SEL1L3: variants seen among roughly 807,000 people sequenced by gnomAD.
SEL1L3 encodes SEL1L family member 3, also known as protein sel-1 homolog 3.
SEL1L3 carries 76 observed loss-of-function variants against 142.8 expected under a neutral mutation model. That is an observed-to-expected ratio of 0.53 (90% confidence interval 0.44 to 0.64). The LOEUF (loss-of-function observed/expected upper bound fraction) is 0.64. Ranked by LOEUF, SEL1L3 falls within the 30% of genes least tolerant of loss-of-function variation. SEL1L3 has a pLI of 0.00. For missense variants in SEL1L3, 1,262 were observed against 1,381.7 expected (o/e 0.91, Z 1.37); for synonymous variants, 504 against 519.6 (o/e 0.97, Z 0.41).
intron 1 of SEL1L3, 35 bp downstream of exon 1, chr4:25,862,640 C>A: frequency 8.4e-7 from 1 of 1,185,352 alleles, no homozygotes. Context: ...GGGCCCCGCG[C>A]GGAGGGGAAG....
At chr4:25,855,636 C>A (rs1022226936) in intron 1 of SEL1L3, among the ~76,000 whole-genome samples, 1 of 152,206 alleles carries the variant, frequency 6.6e-6, no homozygotes, top group African/African-American at 2.4e-5. Context: ...TGGCGGGCAC[C>A]GGTAATCCCA....
chr4:25,737,688 C>T, the SEL1L3 span, among the ~76,000 whole-genome samples: 34 of 152,272 alleles, frequency 2.2e-4, no homozygotes, highest in Admixed American at 7.8e-4. Flanking sequence ...GGACCTTCCT[C>T]AATTCTTTGC....
chr4:25,853,757 C>T (rs370259314), intron 1 of SEL1L3, among the ~76,000 whole-genome samples: 4 of 150,304 alleles, frequency 2.7e-5, no homozygotes, highest in East Asian at 3.9e-4. Flanking sequence ...TTGCAACCTC[C>T]GCCTCCCGGG....
chr4:25,760,953 G>A (rs1718334361), intron 20 of SEL1L3, among the ~76,000 whole-genome samples: 1 of 152,190 alleles, frequency 6.6e-6, no homozygotes. Flanking sequence ...TTACACAGCT[G>A]GAAAGTGGCA....
chr4:25,742,407 A>G, the SEL1L3 span, among the ~76,000 whole-genome samples: 1 of 151,958 alleles, frequency 6.6e-6, no homozygotes, highest in Non-Finnish European at 1.5e-5. Context: ...GCTGGGCTCC[A>G]CCTCCTGCAC....
intron 6 of SEL1L3, among the ~76,000 whole-genome samples, chr4:25,828,821 G>C (rs1008241967): frequency 6.6e-6 from 1 of 152,166 alleles, no homozygotes. Flanking sequence ...CGTATCCCCA[G>C]CCTGTTTGGA....
intron 17 of SEL1L3, among the ~76,000 whole-genome samples, chr4:25,771,745 A>C (rs1719220301): frequency 6.6e-6 from 1 of 152,228 alleles, no homozygotes; most frequent in Non-Finnish European, 1.5e-5. Context: ...ACAATAAAAC[A>C]TGTAGCTTGC....
At chr4:25,781,181 T>C (rs1719975888) in intron 15 of SEL1L3, among the ~76,000 whole-genome samples, 1 of 152,086 alleles carries the variant, frequency 6.6e-6, no homozygotes, top group South Asian at 2.1e-4. Flanking sequence ...ATAGCACTGA[T>C]CTTCACCTCC....
chr4:25,746,531 A>AATATAT (rs376998677), downstream of SEL1L3, among the ~76,000 whole-genome samples: 2 of 119,686 alleles, frequency 1.7e-5, no homozygotes, highest in African/African-American at 7.4e-5. Flanking sequence ...TATATATTTA[A>AATATAT]ATATATATAT....
intron 23 of SEL1L3, chr4:25,756,994 G>A: frequency 1.3e-5 from 16 of 1,190,566 alleles, no homozygotes; most frequent in Non-Finnish European, 1.7e-5. Context: ...GAGGCTGGGT[G>A]CAGTGGCCCA....
At position 25,783,630 on chromosome 4, in the gene SEL1L3, T is replaced by G. The variant is rs185285139; in HGVS notation, c.2280+598A>C. On this transcript the variant is annotated intron_variant, in intron 14 of 23. Transcript: ENST00000399878. Reference sequence around the variant, plus strand: ...TTGGGCATATGTGTGTATGTATATGTGTGCATGTATGTGCATGTGTGGGTG... The same window carrying G: ...TTGGGCATATGTGTGTATGTATATGGGTGCATGTATGTGCATGTGTGGGTG... Among the ~76,000 whole-genome samples the G allele has an allele frequency of 3.8e-3, 583 of 152,322 alleles. 4 individuals are homozygous for G. Among genetic ancestry groups the G allele is most frequent in the African/African-American group, 0.013 (557 of 41,574 alleles).
intron 15 of SEL1L3, among the ~76,000 whole-genome samples, chr4:25,780,616 G>T (rs1719928755): frequency 6.6e-6 from 1 of 151,552 alleles, no homozygotes; most frequent in Non-Finnish European, 1.5e-5. Flanking sequence ...TCCTTTAGGA[G>T]TCTATACAAT....
intron 14 of SEL1L3, among the ~76,000 whole-genome samples, chr4:25,783,380 T>C (rs1369911201): frequency 6.6e-6 from 1 of 152,214 alleles, no homozygotes; most frequent in African/African-American, 2.4e-5. Context: ...GTATGCAACT[T>C]TGAACTCCTC....
At chr4:25,717,294 G>A in the SEL1L3 span, among the ~76,000 whole-genome samples, 1 of 152,166 alleles carries the variant, frequency 6.6e-6, no homozygotes, top group Admixed American at 6.5e-5. Context: ...CAAGAACTAG[G>A]TTTTTTTCTA....
intron 1 of SEL1L3, chr4:25,862,029 G>C (rs1423126307): frequency 6.6e-6 from 1 of 152,348 alleles, no homozygotes; most frequent in East Asian, 1.9e-4. Context: ...AAATGACAAT[G>C]TTCAAGACGC....
intron 8 of SEL1L3, 52 bp downstream of exon 8, chr4:25,819,756 T>A: frequency 1.3e-6 from 2 of 1,550,250 alleles, no homozygotes; most frequent in Middle Eastern, 1.7e-4. Flanking sequence ...CAAACATGTG[T>A]TTATGTAAAT....
chr4:25,715,805 GA>G, the SEL1L3 span, among the ~76,000 whole-genome samples: 34,192 of 150,812 alleles, frequency 0.23, 4,942 homozygotes, highest in African/African-American at 0.41. Flanking sequence ...AGTAAAGGAA[GA>G]AAAAAAAACC....
intron 23 of SEL1L3, chr4:25,756,435 G>A: frequency 1.0e-6 from 1 of 984,948 alleles, no homozygotes; most frequent in Non-Finnish European, 1.2e-6. Flanking sequence ...AAATATAACA[G>A]CTAACGTTTA....
intron 11 of SEL1L3, among the ~76,000 whole-genome samples, chr4:25,795,885 T>G (rs2109204948): frequency 6.6e-6 from 1 of 151,496 alleles, no homozygotes; most frequent in Admixed American, 6.6e-5. Context: ...CAAACAGTTT[T>G]GTGGGCAGGA....
Sources: gnomAD v4.1 joint callset for allele counts (sites outside exome capture counted in the v4.1 genomes callset) on GRCh38, gnomAD v4.1.1 for gene constraint, MANE v1.5 for transcripts, NCBI Gene and HGNC (gene_info 2026-07-23, HGNC 2026-07-21) for gene names.